The following ZNF248 variants were observed in gnomAD, a reference collection of about 807,000 sequenced individuals.
ZNF248 encodes the protein zinc finger protein 248.
A neutral mutation model predicts 44.3 loss-of-function variants in ZNF248; 20 were observed. That is an observed-to-expected ratio of 0.45 (90% CI 0.32 to 0.66). ZNF248 has a LOEUF of 0.66. ZNF248 is among the 30% of genes least tolerant of loss of function. ZNF248 has a pLI of 0.04. For synonymous variants in ZNF248, 224 were observed against 229.0 expected, an observed-to-expected ratio of 0.98 and a Z score of 0.20; for missense variants, 654 against 677.0, an observed-to-expected ratio of 0.97 and a Z score of 0.38.
At chr10:37,795,165 C>T (rs550253300) in intron 6 of ZNF248, 1 of 152,288 alleles carries the variant, frequency 6.6e-6, no homozygotes, top group East Asian at 1.9e-4. Context: ...CCTGTAGGAG[C>T]TCTCTGATGT....
chr10:37,766,159 T>C, the ZNF248 span, among the ~76,000 whole-genome samples: 31 of 152,348 alleles, frequency 2.0e-4, no homozygotes, highest in East Asian at 5.4e-3. Context: ...CCTGCCTGCC[T>C]CTGTAGGCTC....
chr10:37,838,260 T>TA (rs2057642270), intron 3 of ZNF248, 149 bp from the exon 4 acceptor site: 1 of 630,200 alleles, frequency 1.6e-6, no homozygotes, highest in African/African-American at 1.8e-5. Flanking sequence ...AAATATCTTG[T>TA]ATAAATTGAG....
At chr10:37,807,613 T>A (rs891293985) in intron 6 of ZNF248, among the ~76,000 whole-genome samples, 13 of 152,214 alleles carry the variant, frequency 8.5e-5, no homozygotes, top group Non-Finnish European at 1.8e-4. Context: ...AGCAACATTT[T>A]GTAGTTTTCA....
chr10:37,821,491 T>G (rs2053463460), intron 6 of ZNF248, among the ~76,000 whole-genome samples: 1 of 152,208 alleles, frequency 6.6e-6, no homozygotes, highest in South Asian at 2.1e-4. Context: ...CTAGACGGCC[T>G]TTAACAACTC....
the ZNF248 span, among the ~76,000 whole-genome samples, chr10:37,766,405 C>A: frequency 2.0e-4 from 31 of 152,292 alleles, no homozygotes; most frequent in Admixed American, 1.7e-3. Flanking sequence ...TCCTCTGAAA[C>A]AAAACTTCCA....
intron 6 of ZNF248, among the ~76,000 whole-genome samples, chr10:37,780,764 C>T (rs2047202831): frequency 6.6e-6 from 1 of 152,148 alleles, no homozygotes; most frequent in African/African-American, 2.4e-5. Context: ...AGGGACACCC[C>T]GCCCCCGCTC....
At chr10:37,808,278 C>CT (rs796239232) in intron 6 of ZNF248, among the ~76,000 whole-genome samples, 17,640 of 137,504 alleles carry the variant, frequency 0.13, 1,294 homozygotes, top group East Asian at 0.21. Flanking sequence ...AACCTTTTTT[C>CT]TTTTTTTTTT....
Position 37,820,904 on chromosome 10 carries a change from T to G in ZNF248, c.330+12121A>C, listed in dbSNP as rs897510983. 7 of 1,477,474 alleles carry G rather than the reference T, an allele frequency of 4.7e-6. No individual in the cohort carries two copies. In the African/African-American group the frequency reaches 9.7e-5, roughly 20 times the overall value. 91.5% of individuals were successfully genotyped at this position (1,477,474 alleles called of 1,614,324 possible). Reference sequence around the variant, plus strand: ...TGTTTTTTCCTCTTCTAGTTTTCCTTACTAATACCTACTCTAGTAAACCTG... The same window carrying G: ...TGTTTTTTCCTCTTCTAGTTTTCCTGACTAATACCTACTCTAGTAAACCTG... On this transcript the variant is annotated intron_variant, in intron 6 of 6. Transcript: ENST00000615949.
Position 37,829,758 on chromosome 10 carries a change from A to G in ZNF248, c.*1857T>C, listed in dbSNP as rs886917746. On this transcript the variant is annotated 3_prime_UTR_variant, in exon 6 of 6. Transcript: ENST00000395867. ...AAAAAGCCCAGCAGAGTCTCTTCTC[A>G]TGTCATGACAATGTTGTATCAAGGA... The G allele has an allele frequency of 1.1e-4, 111 of 985,214 alleles. No homozygotes were observed. Among genetic ancestry groups the G allele is most frequent in the Non-Finnish European group, 1.2e-4 (101 of 829,902 alleles). 61.0% of individuals were successfully genotyped at this position (985,214 alleles called of 1,614,324 possible).
rs2055203517 is a variant in ZNF248 at position 37,830,040 on chromosome 10, G to A, written c.*1575C>T. The stretch of plus-strand genomic sequence containing the variant: ...TTCCAAGGGGGCAAAAGAAACAACA[G>A]GACAAGGGAGGCAGAGATACTCTAA... On this transcript the variant is annotated 3_prime_UTR_variant, in exon 6 of 6. Coordinates refer to ENST00000395867, the MANE Select transcript of ZNF248 (RefSeq NM_021045.3). The A allele has an allele frequency of 1.0e-6, 1 of 985,252 alleles. No individual in the cohort carries two copies. The highest frequency in any genetic ancestry group is 4.7e-5 in the South Asian group (1 of 21,280). The allele number at this position is 985,252 out of a possible 1,614,324, so 61.0% of individuals were successfully genotyped here. A position where few individuals can be genotyped will look rare whatever the true frequency, so the allele number is the denominator to read the frequency against.
chr10:37,764,932 T>A, the ZNF248 span, among the ~76,000 whole-genome samples: 2 of 152,234 alleles, frequency 1.3e-5, no homozygotes, highest in Admixed American at 1.3e-4. Flanking sequence ...TTTATGTGGA[T>A]ATTAAAACAC....
intron 6 of ZNF248, among the ~76,000 whole-genome samples, chr10:37,813,413 G>A (rs1209560023): frequency 2.0e-5 from 3 of 152,034 alleles, no homozygotes; most frequent in Admixed American, 6.6e-5. Flanking sequence ...GTTATACCAC[G>A]TGTGTTTGCC....
chr10:37,771,599 G>A (rs2046231572), downstream of ZNF248, among the ~76,000 whole-genome samples: 1 of 144,736 alleles, frequency 6.9e-6, no homozygotes, highest in Non-Finnish European at 1.5e-5. Flanking sequence ...ACAGGAAGGA[G>A]AACATCACAC....
At chr10:37,857,045 G>C (rs564611837) in intron 1 of ZNF248, 140 bp downstream of exon 1, 1 of 152,532 alleles carries the variant, frequency 6.6e-6, no homozygotes, top group East Asian at 1.9e-4. Context: ...AGCTCATCTG[G>C]ATGTGCCCGG....
chr10:37,810,263 C>A (rs1208692), intron 6 of ZNF248, among the ~76,000 whole-genome samples: 1 of 152,078 alleles, frequency 6.6e-6, no homozygotes, highest in Admixed American at 6.6e-5. Context: ...ATTATTGGAA[C>A]GACATATTGA....
At chr10:37,856,219 T>C (rs2061256906) in intron 3 of ZNF248, 77 bp downstream of exon 3, 1 of 1,507,626 alleles carries the variant, frequency 6.6e-7, no homozygotes, top group South Asian at 1.3e-5. Flanking sequence ...TATTTTTCCA[T>C]TTTCAAAACA....
intron 6 of ZNF248, among the ~76,000 whole-genome samples, chr10:37,796,909 G>A (rs1253619070): frequency 2.0e-5 from 3 of 151,734 alleles, no homozygotes; most frequent in Non-Finnish European, 4.4e-5. Flanking sequence ...AGAATTATAA[G>A]CAAGGTGAGA....
At chr10:37,776,190 C>T (rs1476234393), downstream of ZNF248, 1 of 169,054 alleles carries the variant, frequency 5.9e-6, no homozygotes, top group Non-Finnish European at 1.3e-5. Context: ...TAGAACTCCT[C>T]CAGCTATGCC....
chr10:37,830,481 C>A lies in ZNF248; in HGVS notation c.*1134G>T, dbSNP rs540622297. 3 of 985,408 alleles carry A rather than the reference C, an allele frequency of 3.0e-6. No homozygotes were observed. In the South Asian group the frequency reaches 1.4e-4, roughly 46 times the overall value. 61.0% of individuals were successfully genotyped at this position (985,408 alleles called of 1,614,324 possible). A position where few individuals can be genotyped will look rare whatever the true frequency, so the allele number is the denominator to read the frequency against. ...GGACAGATTCAGAGGTAGTTAAAAACCTCACGGAAATATTTTTGGCTTCTT... is the reference window on the plus strand; with the variant it reads ...GGACAGATTCAGAGGTAGTTAAAAAACTCACGGAAATATTTTTGGCTTCTT... On this transcript the variant is annotated 3_prime_UTR_variant, in exon 6 of 6. Coordinates refer to ENST00000395867, the MANE Select transcript of ZNF248 (RefSeq NM_021045.3).
Sources: allele counts gnomAD v4.1 joint callset (sites outside exome capture counted in the v4.1 genomes callset), GRCh38; gene constraint gnomAD v4.1.1; transcripts MANE v1.5; gene names NCBI Gene and HGNC (gene_info 2026-07-23, HGNC 2026-07-21).